MED13L: variants seen among roughly 807,000 people sequenced by gnomAD.
The protein encoded by MED13L is mediator complex subunit 13L.
In MED13L, 7 loss-of-function variants were observed where a neutral mutation model predicts 220.9. The observed-to-expected ratio is 0.03, with a 90% CI of 0.02 to 0.06. MED13L has a LOEUF of 0.06. Ranked by LOEUF, MED13L falls within the 10% of genes least tolerant of loss-of-function variation. MED13L has a pLI of 1.00. For synonymous variants in MED13L, 1,011 were observed against 1,015.2 expected (o/e 1.00, Z 0.08); for missense variants, 1,965 against 2,760.5 (o/e 0.71, Z 6.46).
intron 2 of MED13L, chr12:116,230,339 G>A (rs1354868613): frequency 7.2e-6 from 2 of 276,938 alleles, no homozygotes; most frequent in African/African-American, 4.6e-5. Context: ...GGCAGAGGCT[G>A]CCATGAGCCA....
intron 1 of MED13L, chr12:116,276,355 G>GTGTGTGTGTGT: frequency 2.0e-6 from 1 of 496,584 alleles, no homozygotes; most frequent in Non-Finnish European, 3.3e-6. Flanking sequence ...TGTGTGTGCG[G>GTGTGTGTGTGT]ATTCGTTGTT....
At chr12:116,205,948 T>G (rs1220295309) in intron 2 of MED13L, among the ~76,000 whole-genome samples, 5 of 149,870 alleles carry the variant, frequency 3.3e-5, no homozygotes, top group Non-Finnish European at 4.5e-5. Flanking sequence ...ACTTGTTTTT[T>G]TTTTTTTTTT....
chr12:116,102,306 C>G (rs1873123395), intron 3 of MED13L, among the ~76,000 whole-genome samples: 1 of 152,208 alleles, frequency 6.6e-6, no homozygotes, highest in Non-Finnish European at 1.5e-5. Context: ...CAGCCACAGC[C>G]TAGCTCGGGA....
chr12:116,050,335 G>T (rs1868379930), intron 4 of MED13L, among the ~76,000 whole-genome samples: 1 of 152,004 alleles, frequency 6.6e-6, no homozygotes, highest in African/African-American at 2.4e-5. Flanking sequence ...AACTTTACTG[G>T]ACATGTCTGC....
At chr12:116,025,912 CCT>C (rs1880359932) in intron 4 of MED13L, among the ~76,000 whole-genome samples, 1 of 151,984 alleles carries the variant, frequency 6.6e-6, no homozygotes, top group Admixed American at 6.6e-5. Context: ...TGTTAATTAC[CCT>C]GATTTGATCA....
intron 2 of MED13L, among the ~76,000 whole-genome samples, chr12:116,165,777 CCTT>C (rs1879219801): frequency 6.6e-6 from 1 of 152,178 alleles, no homozygotes; most frequent in Non-Finnish European, 1.5e-5. Context: ...CATGGATTCT[CCTT>C]GTCTTTTTAA....
chr12:115,991,192 A>G lies in MED13L; in HGVS notation c.3762T>C (p.Leu1254=). 6.2e-7 allele frequency: 1 copy of G among 1,614,180 alleles called. No homozygotes were observed. The part of the protein sequence containing the change: ...DYISSNNRQT[L]PCVSWSYDRV... Reference sequence around the variant, plus strand: ...GGTCATAACTCCAGCTTACACAGGGAAGAGTTTGGCGATTGTTAGAGGAAA... The same window carrying G: ...GGTCATAACTCCAGCTTACACAGGGGAGAGTTTGGCGATTGTTAGAGGAAA... The change falls in exon 17 of 31, where the codon CTT becomes CTC. Residue 1254 remains leucine, a synonymous_variant. Transcript: ENST00000281928. This position sits in a 1 kb window ranked among gnomAD's most constrained non-coding sequence, Gnocchi z 7.7.
chr12:116,157,347 G>C (rs539353436), intron 2 of MED13L, among the ~76,000 whole-genome samples: 1 of 152,080 alleles, frequency 6.6e-6, no homozygotes, highest in Admixed American at 6.6e-5. Context: ...CTGAGGACAG[G>C]GACCATGTCT....
intron 4 of MED13L, among the ~76,000 whole-genome samples, chr12:116,085,158 A>G (rs1284818061): frequency 4.6e-5 from 7 of 152,300 alleles, no homozygotes; most frequent in African/African-American, 1.4e-4. Context: ...TTAAGATCTC[A>G]AAATGTGTTG....
Position 115,978,738 on chromosome 12 carries a change from C to T in MED13L, c.5364+2012G>A, listed in dbSNP as rs548036231. Among the ~76,000 whole-genome samples the T allele has an allele frequency of 9.9e-5, 15 of 152,184 alleles. No individual in the cohort carries two copies. The East Asian group carries it at 1.2e-3, about 12-fold the overall frequency. The stretch of plus-strand genomic sequence containing the variant: ...AGTTTGCCTGGAGTTTTTTATAAAA[C>T]GAATGGCTAAATGTGAAATATCTTA... On this transcript the variant is annotated intron_variant, in intron 23 of 30. Transcript: ENST00000281928.
At chr12:116,209,064 C>CA (rs1882531929) in intron 2 of MED13L, among the ~76,000 whole-genome samples, 1 of 152,122 alleles carries the variant, frequency 6.6e-6, no homozygotes, top group Non-Finnish European at 1.5e-5. Context: ...TAAAGCCCCC[C>CA]ATCAAGCCTT....
chr12:116,269,472 A>C (rs1393993427), intron 1 of MED13L, among the ~76,000 whole-genome samples: 1 of 127,396 alleles, frequency 7.8e-6, no homozygotes, highest in East Asian at 2.2e-4. Flanking sequence ...TATGCAAAAA[A>C]AAAAAAAAAA....
chr12:116,128,817 A>T (rs988398855), intron 2 of MED13L, among the ~76,000 whole-genome samples: 1 of 152,216 alleles, frequency 6.6e-6, no homozygotes, highest in Non-Finnish European at 1.5e-5. Flanking sequence ...TGTAAACAAG[A>T]ATAGGGCATA....
chr12:116,141,973 C>T (rs551426837), intron 2 of MED13L, among the ~76,000 whole-genome samples: 2 of 152,246 alleles, frequency 1.3e-5, no homozygotes, highest in Admixed American at 1.3e-4. Context: ...ACTGGTCCTT[C>T]ATCAGACCAA....
chr12:116,275,722 C>T (rs1358939824), intron 1 of MED13L, among the ~76,000 whole-genome samples: 1 of 152,134 alleles, frequency 6.6e-6, no homozygotes, highest in South Asian at 2.1e-4. Flanking sequence ...AATGCATGCT[C>T]TCCAAAAGGG....
intron 2 of MED13L, among the ~76,000 whole-genome samples, chr12:116,229,041 T>C (rs1869284169): frequency 6.6e-6 from 1 of 152,126 alleles, no homozygotes; most frequent in African/African-American, 2.4e-5. Flanking sequence ...CCTCCCATAG[T>C]GCTGGGATTA....
intron 1 of MED13L, among the ~76,000 whole-genome samples, chr12:116,275,498 T>C (rs948036517): frequency 6.6e-6 from 1 of 152,220 alleles, no homozygotes; most frequent in Non-Finnish European, 1.5e-5. Context: ...TGGTCTGCAT[T>C]GTAACACATT....
At chr12:116,006,142 T>A in intron 12 of MED13L, 149 bp from the exon 13 acceptor site, 1 of 1,345,120 alleles carries the variant, frequency 7.4e-7, no homozygotes, top group Non-Finnish European at 1.0e-6. Context: ...TTTCCAAATA[T>A]GTTTATCAGT....
rs1566020824 is a variant in MED13L, at chr12:116,031,748, AAGAAAAGAAAAGAAGGAAG to A, written c.480-9166_480-9148del. ...AAGAAAAGAAAAGAAAAGAAAAGAAAAGAAAAGAAAAGAAGGAAGGAAGGAAGGAAGGAAGGAAGGAAGG... is the reference window on the plus strand; with the variant it reads ...AAGAAAAGAAAAGAAAAGAAAAGAAAGAAGGAAGGAAGGAAGGAAGGAAGG... On this transcript the variant is annotated intron_variant, in intron 4 of 30. Transcript: ENST00000281928. 3.5e-4 allele frequency among the ~76,000 whole-genome samples: 14 copies of A among 39,614 alleles called. 1 individual carries two copies. Among genetic ancestry groups the A allele is most frequent in the African/African-American group, 1.9e-3 (9 of 4,788 alleles). 26.0% of individuals were successfully genotyped at this position (39,614 alleles called of 152,430 possible).
Sources: allele counts gnomAD v4.1 joint callset (sites outside exome capture counted in the v4.1 genomes callset), GRCh38; gene constraint gnomAD v4.1.1; non-coding constraint Gnocchi (gnomAD v3.1); transcripts MANE v1.5; gene names NCBI Gene and HGNC (gene_info 2026-07-23, HGNC 2026-07-21).